The following RORA variants were observed in gnomAD, a reference collection of about 807,000 sequenced individuals.
RORA encodes the protein nuclear receptor ROR-alpha.
In RORA, 7 loss-of-function variants were observed where a neutral mutation model predicts 69.5. The observed-to-expected ratio is 0.10, with a 90% CI of 0.06 to 0.19. The LOEUF is 0.19. Ranked by LOEUF, RORA falls within the 10% of genes least tolerant of loss-of-function variation. The pLI is 1.00. For synonymous variants in RORA, 261 were observed against 240.8 expected (o/e 1.08, Z -0.78); for missense variants, 457 against 663.0 (o/e 0.69, Z 3.41).
intron 1 of RORA, among the ~76,000 whole-genome samples, chr15:60,997,036 GGTTT>G (rs1159907669): frequency 1.4e-5 from 2 of 138,344 alleles, no homozygotes; most frequent in Non-Finnish European, 3.1e-5. Context: ...ATGATATTGG[GGTTT>G]GTGTGTGTGT....
In RORA at chr15:60,500,019, A is replaced by T. The variant is rs747498820; in HGVS notation, c.1295-15T>A. ...CCATGAGCGATCTAAGCATAAAAAA[A>T]TGATATTCTTTAGCATTCCTCTGAC... On this transcript the variant is annotated splice_polypyrimidine_tract_variant and intron_variant, in intron 9 of 10. Transcript: ENST00000335670. The T allele has an allele frequency of 1.3e-6, 2 of 1,523,566 alleles. No homozygotes were observed. The highest frequency in any genetic ancestry group is 1.4e-5 in the African/African-American group (1 of 72,608). The allele number at this position is 1,523,566 out of a possible 1,614,324, so 94.4% of individuals were successfully genotyped here.
chr15:60,804,083 G>C (rs745944292), intron 1 of RORA, among the ~76,000 whole-genome samples: 1 of 152,062 alleles, frequency 6.6e-6, no homozygotes, highest in Non-Finnish European at 1.5e-5. Flanking sequence ...GAGGTCGGGA[G>C]TTCGAGACCA....
chr15:61,202,003 C>T (rs1161298920), intron 1 of RORA, among the ~76,000 whole-genome samples: 1 of 118,550 alleles, frequency 8.4e-6, no homozygotes, highest in African/African-American at 3.2e-5. Flanking sequence ...ATCAACCCTG[C>T]TTGATCTTTT....
intron 1 of RORA, among the ~76,000 whole-genome samples, chr15:60,727,061 C>T (rs2140832707): frequency 6.6e-6 from 1 of 152,294 alleles, no homozygotes; most frequent in South Asian, 2.1e-4. Context: ...CACAGGTTTG[C>T]TGGTTTTTGT....
chr15:61,191,813 G>A (rs555393283), intron 1 of RORA, among the ~76,000 whole-genome samples: 10 of 152,282 alleles, frequency 6.6e-5, no homozygotes, highest in Admixed American at 4.6e-4. Flanking sequence ...CTGTAGTCTC[G>A]CATCTGTTCT....
intron 1 of RORA, among the ~76,000 whole-genome samples, chr15:61,225,431 G>A (rs886416802): frequency 2.6e-5 from 4 of 152,148 alleles, no homozygotes; most frequent in African/African-American, 7.2e-5. Flanking sequence ...GAGAGGCCAC[G>A]CACTTTCAAA....
In RORA at chr15:60,531,540, T is replaced by G; in HGVS notation, c.282+226A>C. The G allele has an allele frequency of 2.2e-6, 1 of 453,722 alleles. No homozygotes were observed. Among genetic ancestry groups the G allele is most frequent in the Non-Finnish European group, 3.8e-6 (1 of 261,818 alleles). The allele number at this position is 453,722 out of a possible 1,614,324, so 28.1% of individuals were successfully genotyped here. On this transcript the variant is annotated intron_variant, in intron 3 of 10. Transcript: ENST00000335670. The surrounding 1 kb of genome is among the most constrained non-coding windows in gnomAD (Gnocchi z 4.8). ...GGGGTTGAAAGTGATAAACAAGCAATGCTCAAATACCTTTTTGTAATCTCC... is the reference window on the plus strand; with the variant it reads ...GGGGTTGAAAGTGATAAACAAGCAAGGCTCAAATACCTTTTTGTAATCTCC...
At chr15:61,015,976 C>A (rs1193410856) in intron 1 of RORA, among the ~76,000 whole-genome samples, 2 of 152,110 alleles carry the variant, frequency 1.3e-5, no homozygotes, top group African/African-American at 4.8e-5. Flanking sequence ...GTGGCCAAGA[C>A]GACCGGAGGG....
chr15:60,824,482 G>C (rs765329355), intron 1 of RORA, among the ~76,000 whole-genome samples: 10 of 151,904 alleles, frequency 6.6e-5, no homozygotes, highest in Non-Finnish European at 1.5e-4. Context: ...CCAGGAACTG[G>C]GGTGTTACAT....
At chr15:61,137,518 T>C (rs2079257239) in intron 1 of RORA, among the ~76,000 whole-genome samples, 1 of 151,412 alleles carries the variant, frequency 6.6e-6, no homozygotes, top group Non-Finnish European at 1.5e-5. Flanking sequence ...CACGTGCCCA[T>C]GGCCTCACTG....
chr15:60,672,515 G>A (rs1324196890), intron 2 of RORA, among the ~76,000 whole-genome samples: 2 of 152,140 alleles, frequency 1.3e-5, no homozygotes, highest in African/African-American at 4.8e-5. Context: ...TTAGAGAAGT[G>A]CCTAGCACTC....
At chr15:60,727,492 C>T (rs184539348) in intron 1 of RORA, among the ~76,000 whole-genome samples, 4 of 152,276 alleles carry the variant, frequency 2.6e-5, no homozygotes, top group African/African-American at 4.8e-5. Context: ...ACATTCCTCT[C>T]GCTGACAGCT....
At chr15:60,875,506 G>A (rs939858300) in intron 1 of RORA, among the ~76,000 whole-genome samples, 31 of 152,220 alleles carry the variant, frequency 2.0e-4, no homozygotes, top group African/African-American at 7.0e-4. Context: ...CCTGGATCTC[G>A]GTAAATCATG....
chr15:60,731,755 T>C (rs1417048500), intron 1 of RORA, among the ~76,000 whole-genome samples: 2 of 152,226 alleles, frequency 1.3e-5, no homozygotes, highest in Non-Finnish European at 2.9e-5. Flanking sequence ...TGACTGCTGT[T>C]AGTGCCCAAA....
At chr15:60,832,282 C>T (rs907862460) in intron 1 of RORA, among the ~76,000 whole-genome samples, 1 of 152,136 alleles carries the variant, frequency 6.6e-6, no homozygotes, top group Non-Finnish European at 1.5e-5. Flanking sequence ...CCCACACCAC[C>T]CCTCCAGTTT....
intron 1 of RORA, among the ~76,000 whole-genome samples, chr15:60,979,728 GTA>G (rs1237051267): frequency 3.6e-5 from 2 of 55,646 alleles, no homozygotes; most frequent in East Asian, 1.8e-3. Context: ...GTGTGTGTAT[GTA>G]TGTGTGTGTG....
intron 1 of RORA, among the ~76,000 whole-genome samples, chr15:60,730,480 A>T (rs2071415242): frequency 6.6e-6 from 1 of 152,218 alleles, no homozygotes; most frequent in South Asian, 2.1e-4. Context: ...GAAAAATCTT[A>T]AAAAATGCAG....
chr15:60,871,589 A>AG (rs2073556729), intron 1 of RORA, among the ~76,000 whole-genome samples: 1 of 152,206 alleles, frequency 6.6e-6, no homozygotes, highest in Admixed American at 6.5e-5. Context: ...AGGGTTGATG[A>AG]GGGAAATATT....
intron 1 of RORA, among the ~76,000 whole-genome samples, chr15:60,930,898 A>G (rs2140499945): frequency 6.6e-6 from 1 of 152,354 alleles, no homozygotes; most frequent in East Asian, 1.9e-4. Context: ...ATGGCCTCAC[A>G]TCTGCCTATA....
Sources: gnomAD v4.1 joint callset for allele counts (sites outside exome capture counted in the v4.1 genomes callset) on GRCh38, gnomAD v4.1.1 for gene constraint, Gnocchi (gnomAD v3.1) non-coding constraint, MANE v1.5 for transcripts, NCBI Gene and HGNC (gene_info 2026-07-23, HGNC 2026-07-21) for gene names.